Variants in FOXN2 observed in about 807,000 individuals in gnomAD.
The protein encoded by FOXN2 is forkhead box N2.
FOXN2 carries 19 observed loss-of-function variants against 41.2 expected under a neutral mutation model. That is an observed-to-expected ratio of 0.46 (90% confidence interval 0.32 to 0.68). The LOEUF (loss-of-function observed/expected upper bound fraction) is 0.68. Among genes scored for constraint, FOXN2 ranks in the 30% least tolerant of loss-of-function variants. The pLI, the probability that FOXN2 is intolerant of heterozygous loss-of-function variation, is 0.03. For synonymous variants in FOXN2, 195 were observed against 176.8 expected, an observed-to-expected ratio of 1.10 and a Z score of -0.82; for missense variants, 587 against 509.4, an observed-to-expected ratio of 1.15 and a Z score of -1.47.
intron 6 of FOXN2, 27 bp from the exon 7 acceptor site, chr2:48,374,893 T>C: frequency 6.4e-7 from 1 of 1,569,084 alleles, no homozygotes; most frequent in Non-Finnish European, 8.6e-7. Context: ...ACATTTGACC[T>C]ATTGATGGAA....
intron 2 of FOXN2, among the ~76,000 whole-genome samples, chr2:48,345,413 T>C (rs1433401654): frequency 6.6e-6 from 1 of 152,120 alleles, no homozygotes; most frequent in Non-Finnish European, 1.5e-5. Flanking sequence ...GAGGAGTAAG[T>C]TCTAGTGACC....
rs1003067114 is a variant in FOXN2, at chr2:48,346,914, T to C, written c.537+163T>C. Reference sequence around the variant, plus strand: ...GTTTTCACTTGAGATGTTTTAAAATTTCTTAAATATTGATATAAATTTAGC... The same window carrying C: ...GTTTTCACTTGAGATGTTTTAAAATCTCTTAAATATTGATATAAATTTAGC... On this transcript the variant is annotated intron_variant, in intron 3 of 6. Coordinates refer to ENST00000340553, the MANE Select transcript of FOXN2 (RefSeq NM_002158.4). Among the ~76,000 whole-genome samples, 3 of 152,220 alleles carry C rather than the reference T, an allele frequency of 2.0e-5. 1 individual carries two copies. In the South Asian group the frequency reaches 6.2e-4, roughly 32 times the overall value.
chr2:48,371,311 C>T (rs999419825), intron 5 of FOXN2, among the ~76,000 whole-genome samples: 2 of 152,030 alleles, frequency 1.3e-5, no homozygotes, highest in African/African-American at 2.4e-5. Flanking sequence ...GCACAAGAAT[C>T]GCTTGAACCT....
chr2:48,316,158 T>C (rs147133029), intron 1 of FOXN2, among the ~76,000 whole-genome samples: 5 of 152,276 alleles, frequency 3.3e-5, no homozygotes, highest in African/African-American at 1.2e-4. Context: ...GAACCATTCA[T>C]GCCTGTACCT....
intron 2 of FOXN2, among the ~76,000 whole-genome samples, chr2:48,338,419 A>G (rs1283548860): frequency 5.3e-5 from 8 of 149,666 alleles, no homozygotes; most frequent in Non-Finnish European, 5.9e-5. Context: ...TTTGAGACGG[A>G]ATCTCGGAAT....
intron 1 of FOXN2, among the ~76,000 whole-genome samples, chr2:48,316,949 TA>T (rs869232516): frequency 1.6e-3 from 9 of 5,566 alleles, no homozygotes; most frequent in Non-Finnish European, 5.4e-3. Context: ...TCAGAAAAGT[TA>T]AATAAAGATA....
chr2:48,373,276 C>A lies in FOXN2; in HGVS notation c.704-16C>A. The A allele has an allele frequency of 6.4e-7, 1 of 1,557,954 alleles. No homozygotes were observed. Among genetic ancestry groups the A allele is most frequent in the Non-Finnish European group, 8.8e-7 (1 of 1,137,142 alleles). ...TTTATAAAGAACATTAATATTATTA[C>A]TTTTTCCCTTTTCAGAATCTGATAT... On this transcript the variant is annotated splice_polypyrimidine_tract_variant and intron_variant, in intron 5 of 6. Transcript: ENST00000340553.
intron 3 of FOXN2, among the ~76,000 whole-genome samples, chr2:48,357,631 T>G (rs937711289): frequency 6.6e-6 from 1 of 152,000 alleles, no homozygotes; most frequent in Admixed American, 6.6e-5. Context: ...GAGACAGAGT[T>G]TTGCTATGTT....
intron 2 of FOXN2, among the ~76,000 whole-genome samples, chr2:48,343,460 TAAA>T (rs1204602579): frequency 6.6e-6 from 1 of 152,124 alleles, no homozygotes; most frequent in Non-Finnish European, 1.5e-5. Context: ...AATGCAAAAG[TAAA>T]AAACTCTTAT....
chr2:48,337,623 G>A lies in FOXN2; in HGVS notation c.-14-8578G>A, dbSNP rs189692880. Reference sequence around the variant, plus strand: ...GCCTGGCCTGATCTCATTCTTTTTCGTGTGTATATGCACCACATCCATTTC... The same window carrying A: ...GCCTGGCCTGATCTCATTCTTTTTCATGTGTATATGCACCACATCCATTTC... On this transcript the variant is annotated intron_variant, in intron 2 of 6. Coordinates refer to ENST00000340553, the MANE Select transcript of FOXN2 (RefSeq NM_002158.4). 2.5e-3 allele frequency among the ~76,000 whole-genome samples: 387 copies of A among 151,858 alleles called. 1 individual carries two copies. Among genetic ancestry groups the A allele is most frequent in the African/African-American group, 8.8e-3 (363 of 41,454 alleles).
At chr2:48,371,507 T>A (rs1419942409) in intron 5 of FOXN2, among the ~76,000 whole-genome samples, 1 of 152,186 alleles carries the variant, frequency 6.6e-6, no homozygotes, top group Non-Finnish European at 1.5e-5. Flanking sequence ...TTTTGGTTAC[T>A]ACAGCTTTGT....
At chr2:48,348,636 G>A (rs28439229) in intron 3 of FOXN2, among the ~76,000 whole-genome samples, 18,122 of 152,200 alleles carry the variant, frequency 0.12, 1,285 homozygotes, top group African/African-American at 0.2. Flanking sequence ...TAGGCTGTTA[G>A]TGTGAACAGG....
chr2:48,374,749 T>G (rs1351040128), intron 6 of FOXN2, among the ~76,000 whole-genome samples, 171 bp from the exon 7 acceptor site: 1 of 152,156 alleles, frequency 6.6e-6, no homozygotes, highest in Non-Finnish European at 1.5e-5. Flanking sequence ...TTTAAATGTT[T>G]CAAATTAATG....
At position 48,376,302 on chromosome 2, in the gene FOXN2, T is replaced by G. The variant is rs1027450926; in HGVS notation, c.*859T>G. 6.6e-6 allele frequency: 1 copy of G among 152,050 alleles called. No individual in the cohort carries two copies. The highest frequency in any genetic ancestry group is 2.4e-5 in the African/African-American group (1 of 41,438). 9.4% of individuals were successfully genotyped at this position (152,050 alleles called of 1,614,324 possible). A position where few individuals can be genotyped will look rare whatever the true frequency, so the allele number is the denominator to read the frequency against. ...GAGTACACCCATTTTGACACACTTGTAATAAGAGAATCTTTCATTTGCCTG... is the reference window on the plus strand; with the variant it reads ...GAGTACACCCATTTTGACACACTTGGAATAAGAGAATCTTTCATTTGCCTG... On this transcript the variant is annotated 3_prime_UTR_variant, in exon 7 of 7. Transcript: ENST00000340553.
chr2:48,338,044 AAATT>A (rs1448840366), intron 2 of FOXN2, among the ~76,000 whole-genome samples: 4 of 152,336 alleles, frequency 2.6e-5, no homozygotes, highest in East Asian at 3.9e-4. Flanking sequence ...ATCATTATGA[AAATT>A]AATCATGTAC....
intron 1 of FOXN2, among the ~76,000 whole-genome samples, chr2:48,320,090 G>A (rs1412971813): frequency 6.6e-6 from 1 of 151,880 alleles, no homozygotes; most frequent in Non-Finnish European, 1.5e-5. Flanking sequence ...AAGGGGAAGA[G>A]GTTTCTTATA....
chr2:48,372,364 T>C (rs781394653), intron 5 of FOXN2, among the ~76,000 whole-genome samples: 5 of 152,334 alleles, frequency 3.3e-5, no homozygotes, highest in Non-Finnish European at 5.9e-5. Context: ...ACTTTTAAAT[T>C]AGACATTGAA....
intron 3 of FOXN2, among the ~76,000 whole-genome samples, chr2:48,350,730 C>G (rs755002929): frequency 4.6e-5 from 7 of 152,218 alleles, no homozygotes; most frequent in Non-Finnish European, 7.3e-5. Flanking sequence ...TCCTCTGGAG[C>G]ACCAGATGGA....
At position 48,379,147 on chromosome 2, in the gene FOXN2, A is replaced by G. The variant is rs766065022; in HGVS notation, c.*3704A>G. 2.6e-5 allele frequency: 4 copies of G among 152,640 alleles called. No individual in the cohort carries two copies. The highest frequency in any genetic ancestry group is 9.6e-5 in the African/African-American group (4 of 41,458). The allele number at this position is 152,640 out of a possible 1,614,324, so 9.5% of individuals were successfully genotyped here. A position where few individuals can be genotyped will look rare whatever the true frequency, so the allele number is the denominator to read the frequency against. On this transcript the variant is annotated 3_prime_UTR_variant, in exon 7 of 7. Coordinates refer to ENST00000340553, the MANE Select transcript of FOXN2 (RefSeq NM_002158.4). ...CAAGTGAACCACTTCTCAGTTGCCAATCTTTGCTCATATTAAAAACAACTT... is the reference window on the plus strand; with the variant it reads ...CAAGTGAACCACTTCTCAGTTGCCAGTCTTTGCTCATATTAAAAACAACTT...
Sources: allele counts gnomAD v4.1 joint callset (sites outside exome capture counted in the v4.1 genomes callset), GRCh38; gene constraint gnomAD v4.1.1; transcripts MANE v1.5; gene names NCBI Gene and HGNC (gene_info 2026-07-23, HGNC 2026-07-21).